The following WDR12 variants were observed in gnomAD, a reference collection of about 807,000 sequenced individuals.
The protein encoded by WDR12 is WD repeat domain 12.
WDR12 carries 42 observed loss-of-function variants against 64.3 expected under a neutral mutation model. The observed-to-expected ratio is 0.65, with a 90% CI of 0.51 to 0.84. The LOEUF is 0.84. WDR12 is among the 40% of genes least tolerant of loss of function. The pLI is 0.00. For synonymous variants in WDR12, 158 were observed against 173.3 expected (o/e 0.91, Z 0.70); for missense variants, 469 against 494.6 (o/e 0.95, Z 0.49).
intron 6 of WDR12, 191 bp from the exon 7 acceptor site, chr2:202,894,817 G>A (rs1688210896): frequency 4.3e-6 from 2 of 467,182 alleles, no homozygotes; most frequent in Admixed American, 8.5e-5. Flanking sequence ...CAAGCTTATT[G>A]CCATGTCTTT....
At chr2:202,903,500 G>GAAGTAAGT (rs1553542616) in intron 2 of WDR12, among the ~76,000 whole-genome samples, 9 of 115,226 alleles carry the variant, frequency 7.8e-5, no homozygotes, top group African/African-American at 2.5e-4. Context: ...AGGAAGGAAG[G>GAAGTAAGT]AAGTGAGGGA....
At position 202,892,604 on chromosome 2, in the gene WDR12, C is replaced by G. The variant is rs535984728; in HGVS notation, c.741+13G>C. On this transcript the variant is annotated intron_variant, in intron 8 of 12. Coordinates refer to ENST00000261015, the MANE Select transcript of WDR12 (RefSeq NM_018256.4). ...GCCTAAGGCAAGTACAGTCAGTTCT[C>G]ACAAATACTGACCCTTGTTAGTCCC... The G allele has an allele frequency of 1.2e-6, 2 of 1,602,678 alleles. No homozygotes were observed. Among genetic ancestry groups the G allele is most frequent in the South Asian group, 2.2e-5 (2 of 90,430 alleles).
chr2:202,903,451 G>A lies in WDR12; in HGVS notation c.137-2332C>T, dbSNP rs926010844. Among the ~76,000 whole-genome samples, 12 of 5,230 alleles carry A rather than the reference G, an allele frequency of 2.3e-3. No individual in the cohort carries two copies. The Admixed American group carries it at 0.033, about 14-fold the overall frequency. The allele number at this position is 5,230 out of a possible 152,430, so 3.4% of individuals were successfully genotyped here. On this transcript the variant is annotated intron_variant, in intron 2 of 12. Transcript: ENST00000261015. ...TCCTAGCTAGAGCAATCAGATGGAAGGAAGGAAGGAAGGAAGGAAGGAAGG... is the reference window on the plus strand; with the variant it reads ...TCCTAGCTAGAGCAATCAGATGGAAAGAAGGAAGGAAGGAAGGAAGGAAGG...
rs541924243 is a variant in WDR12 at position 202,890,522 on chromosome 2, C to A, written c.741+2095G>T. Among the ~76,000 whole-genome samples the A allele has an allele frequency of 2.6e-5, 4 of 151,946 alleles. No homozygotes were observed. The South Asian group carries it at 8.3e-4, about 32-fold the overall frequency. On this transcript the variant is annotated intron_variant, in intron 8 of 12. Transcript: ENST00000261015. The stretch of plus-strand genomic sequence containing the variant: ...TGGTGGCTCACGCCTGTAATCCCAG[C>A]ACTTTGGGAGGCCGAGGCGGGTGGA...
chr2:202,897,438 G>A (rs764870397), intron 4 of WDR12, 23 bp from the exon 5 acceptor site: 1 of 1,421,504 alleles, frequency 7.0e-7, no homozygotes, highest in Non-Finnish European at 9.5e-7. Context: ...AAAATCTTAT[G>A]AAACACAAAA....
At chr2:202,899,199 C>A (rs776088141) in intron 4 of WDR12, among the ~76,000 whole-genome samples, 1 of 151,746 alleles carries the variant, frequency 6.6e-6, no homozygotes, top group Admixed American at 6.6e-5. Context: ...CCCACCACCA[C>A]GCCCGGCTAA....
rs1411274769 is a variant in WDR12 at position 202,875,117 on chromosome 2, G to A, written c.*5743C>T. 1.3e-5 allele frequency: 2 copies of A among 151,982 alleles called. No individual in the cohort carries two copies. The highest frequency in any genetic ancestry group is 2.9e-5 in the Non-Finnish European group (2 of 68,016). The allele number at this position is 151,982 out of a possible 1,614,324, so 9.4% of individuals were successfully genotyped here. A position where few individuals can be genotyped will look rare whatever the true frequency, so the allele number is the denominator to read the frequency against. On this transcript the variant is annotated 3_prime_UTR_variant, in exon 13 of 13. Transcript: ENST00000261015. ...AATTGGTTACATACCTTCACACTAG[G>A]TACTTAACCTGTCTGCATTGTGGTT...
At chr2:202,905,601 G>C (rs1688442429) in intron 2 of WDR12, among the ~76,000 whole-genome samples, 1 of 152,196 alleles carries the variant, frequency 6.6e-6, no homozygotes, top group African/African-American at 2.4e-5. Flanking sequence ...GCTACCATAT[G>C]ATCCAGCAAT....
chr2:202,892,759 C>G, intron 7 of WDR12, 57 bp from the exon 8 acceptor site: 1 of 1,255,758 alleles, frequency 8.0e-7, no homozygotes, highest in Non-Finnish European at 1.1e-6. Flanking sequence ...CGTGAACTGT[C>G]TGAAAGAATT....
chr2:202,893,888 A>T (rs1008927848), intron 7 of WDR12, among the ~76,000 whole-genome samples: 22 of 152,166 alleles, frequency 1.4e-4, no homozygotes, highest in Non-Finnish European at 2.4e-4. Context: ...GCATTGAAAA[A>T]TTTTTTTAAG....
rs1225171878 is a variant in WDR12, at chr2:202,880,547, C to CAA, written c.*311_*312dup. 1.3e-3 allele frequency: 133 copies of CAA among 102,784 alleles called. No homozygotes were observed. Among genetic ancestry groups the CAA allele is most frequent in the South Asian group, 3.3e-3 (13 of 3,906 alleles). 6.4% of individuals were successfully genotyped at this position (102,784 alleles called of 1,614,324 possible). A position where few individuals can be genotyped will look rare whatever the true frequency, so the allele number is the denominator to read the frequency against. ...TAGGCAACAGAGCAAGACTCCATCT[C>CAA]AAAAAAAAAAAAAACAAATAAAAAT... On this transcript the variant is annotated 3_prime_UTR_variant, in exon 13 of 13. Transcript: ENST00000261015.
chr2:202,886,708 A>G (rs1342654027), intron 8 of WDR12, among the ~76,000 whole-genome samples: 1 of 144,006 alleles, frequency 6.9e-6, no homozygotes, highest in Non-Finnish European at 1.5e-5. Context: ...CAAAGGTTGC[A>G]GTGAGCCGAG....
rs1460953379 is a variant in WDR12, at chr2:202,897,487, G to A, written c.339-72C>T. On this transcript the variant is annotated intron_variant, in intron 4 of 12. Coordinates refer to ENST00000261015, the MANE Select transcript of WDR12 (RefSeq NM_018256.4). ...AACCCTGAAATGTTTCTTTGGCAAT[G>A]ACAAAGTAACTTTGAGGATTATACT... 8.9e-6 allele frequency: 7 copies of A among 787,902 alleles called. No homozygotes were observed. In the Admixed American group the frequency reaches 1.4e-4, roughly 16 times the overall value. 48.8% of individuals were successfully genotyped at this position (787,902 alleles called of 1,614,324 possible). A position where few individuals can be genotyped will look rare whatever the true frequency, so the allele number is the denominator to read the frequency against.
intron 4 of WDR12, among the ~76,000 whole-genome samples, chr2:202,898,156 CT>C (rs1298657243): frequency 6.6e-6 from 1 of 151,284 alleles, no homozygotes; most frequent in South Asian, 2.1e-4. Flanking sequence ...CTGTAGTACT[CT>C]TTTTTCTTTT....
intron 2 of WDR12, among the ~76,000 whole-genome samples, chr2:202,904,587 A>G (rs1037065426): frequency 1.3e-5 from 2 of 152,182 alleles, no homozygotes; most frequent in African/African-American, 4.8e-5. Context: ...AGTCTCTTCA[A>G]TAATGGTGCT....
rs1362564490 is a variant in WDR12 at position 202,907,972 on chromosome 2, AATG to A, written c.42-16_42-14del. On this transcript the variant is annotated splice_polypyrimidine_tract_variant and intron_variant, in intron 1 of 12. Transcript: ENST00000261015. ...ATCTACGGCATATCTATAAAAAGGA[AATG>A]ATATGTCAAGATCAAGTCTACAGAT... The A allele has an allele frequency of 6.2e-7, 1 of 1,607,378 alleles. No individual in the cohort carries two copies. Among genetic ancestry groups the A allele is most frequent in the Admixed American group, 1.7e-5 (1 of 60,016 alleles).
intron 3 of WDR12, among the ~76,000 whole-genome samples, chr2:202,899,945 G>C (rs895711042): frequency 6.6e-6 from 1 of 152,074 alleles, no homozygotes; most frequent in African/African-American, 2.4e-5. Flanking sequence ...AGGCAACAAA[G>C]CAAGACCCTG....
intron 2 of WDR12, among the ~76,000 whole-genome samples, chr2:202,906,922 T>C (rs138445171): frequency 4.1e-4 from 62 of 152,124 alleles, no homozygotes; most frequent in Non-Finnish European, 7.6e-4. Context: ...GAAAATAATA[T>C]AAGGAGCCTC....
In WDR12 at chr2:202,880,800, A is replaced by G. The variant is rs1574400517; in HGVS notation, c.*60T>C. The G allele has an allele frequency of 1.3e-6, 2 of 1,491,608 alleles. No individual in the cohort carries two copies. The highest frequency in any genetic ancestry group is 4.7e-5 in the East Asian group (2 of 42,640). 92.4% of individuals were successfully genotyped at this position (1,491,608 alleles called of 1,614,324 possible). A position where few individuals can be genotyped will look rare whatever the true frequency, so the allele number is the denominator to read the frequency against. On this transcript the variant is annotated 3_prime_UTR_variant, in exon 13 of 13. Coordinates refer to ENST00000261015, the MANE Select transcript of WDR12 (RefSeq NM_018256.4). ...TCTGCATCTGCATCTATGTAATTTCATGGTTCTCTACCAATTTCATTTACA... is the reference window on the plus strand; with the variant it reads ...TCTGCATCTGCATCTATGTAATTTCGTGGTTCTCTACCAATTTCATTTACA...
Sources: allele counts gnomAD v4.1 joint callset (sites outside exome capture counted in the v4.1 genomes callset), GRCh38; gene constraint gnomAD v4.1.1; transcripts MANE v1.5; gene names NCBI Gene and HGNC (gene_info 2026-07-23, HGNC 2026-07-21).